Variants in APBA1 observed in about 807,000 individuals in gnomAD.
APBA1 encodes amyloid-beta A4 precursor protein-binding family A member 1.
Under a neutral mutation model 86.6 loss-of-function variants are expected in APBA1, and 55 were observed. The ratio of observed to expected loss-of-function variants is 0.64; its 90% CI spans 0.51 to 0.80. The LOEUF (loss-of-function observed/expected upper bound fraction) is 0.80, where lower values mean the gene tolerates loss of function less well. APBA1 is among the 30% of genes least tolerant of loss of function. The probability of loss-of-function intolerance (pLI) is 0.00; values close to 1 mark genes in which losing one functional copy is unlikely to be tolerated. For synonymous variants in APBA1, 511 were observed against 493.9 expected, an observed-to-expected ratio of 1.03 and a Z score of -0.46; for missense variants, 1,090 against 1,183.0, an observed-to-expected ratio of 0.92 and a Z score of 1.15.
At chr9:69,496,109 A>G (rs1278801317) in intron 2 of APBA1, among the ~76,000 whole-genome samples, 1 of 152,092 alleles carries the variant, frequency 6.6e-6, no homozygotes, top group Non-Finnish European at 1.5e-5. Context: ...CAAGACAAAC[A>G]TGGCAGAACT....
At chr9:69,600,825 TAAATAAATAAAATAAAATAAA>T (rs944410638) in intron 1 of APBA1, among the ~76,000 whole-genome samples, 7 of 147,882 alleles carry the variant, frequency 4.7e-5, no homozygotes, top group Middle Eastern at 3.2e-3. Context: ...AATAAATAAA[TAAATAAATAAAATAAAATAAA>T]AAATAAATAA....
At chr9:69,503,888 G>C (rs1835915085) in intron 2 of APBA1, among the ~76,000 whole-genome samples, 1 of 152,046 alleles carries the variant, frequency 6.6e-6, no homozygotes, top group Admixed American at 6.5e-5. Flanking sequence ...TCCCAGGTTG[G>C]GTCCCCCGTT....
intron 1 of APBA1, among the ~76,000 whole-genome samples, chr9:69,631,015 C>G (rs1187103231): frequency 6.6e-6 from 1 of 152,160 alleles, no homozygotes; most frequent in Non-Finnish European, 1.5e-5. Flanking sequence ...GTCTTCTCAC[C>G]TGTAAAATAG....
chr9:69,602,201 G>A (rs150337686), intron 1 of APBA1, among the ~76,000 whole-genome samples: 247 of 152,210 alleles, frequency 1.6e-3, no homozygotes, highest in Non-Finnish European at 2.9e-3. Context: ...ATAATTCAGT[G>A]GTTTTTAGTA....
chr9:69,434,158 A>T (rs1344934587), intron 11 of APBA1, among the ~76,000 whole-genome samples: 6 of 152,190 alleles, frequency 3.9e-5, no homozygotes, highest in Non-Finnish European at 7.3e-5. Context: ...TGCACTGTAC[A>T]GCCCCAGGCT....
chr9:69,642,647 T>A (rs773810704), intron 1 of APBA1, among the ~76,000 whole-genome samples: 5 of 151,792 alleles, frequency 3.3e-5, no homozygotes, highest in Admixed American at 1.3e-4. Flanking sequence ...GAGAGAGAGA[T>A]AGAGAGAGAT....
At chr9:69,571,007 G>C (rs1342967636) in intron 1 of APBA1, among the ~76,000 whole-genome samples, 2 of 152,144 alleles carry the variant, frequency 1.3e-5, no homozygotes, top group Non-Finnish European at 2.9e-5. Flanking sequence ...CCCACTCTCA[G>C]ATAGGCGTGG....
chr9:69,540,965 A>G (rs1367693132), intron 1 of APBA1, among the ~76,000 whole-genome samples: 4 of 152,218 alleles, frequency 2.6e-5, no homozygotes, highest in Non-Finnish European at 5.9e-5. Flanking sequence ...TTCTGTGACT[A>G]GCTTATTTCA....
chr9:69,668,487 T>C (rs1283521609), intron 1 of APBA1, among the ~76,000 whole-genome samples: 1 of 151,986 alleles, frequency 6.6e-6, no homozygotes, highest in East Asian at 1.9e-4. Context: ...GACAATAGAG[T>C]CTATCTGGTC....
intron 2 of APBA1, among the ~76,000 whole-genome samples, chr9:69,486,932 G>T (rs1250165770): frequency 6.6e-6 from 1 of 151,476 alleles, no homozygotes; most frequent in Non-Finnish European, 1.5e-5. Flanking sequence ...CCTAATACTG[G>T]CATTCAGAAC....
intron 2 of APBA1, among the ~76,000 whole-genome samples, chr9:69,497,628 G>C (rs1276656431): frequency 6.6e-6 from 1 of 152,112 alleles, no homozygotes; most frequent in African/African-American, 2.4e-5. Context: ...GTCCCTTGGG[G>C]ATAAAGTTAA....
chr9:69,549,680 A>G (rs1836754841), intron 1 of APBA1, among the ~76,000 whole-genome samples: 1 of 152,220 alleles, frequency 6.6e-6, no homozygotes, highest in Non-Finnish European at 1.5e-5. Flanking sequence ...ATTCATATCA[A>G]TTCAATCAAT....
At chr9:69,469,744 T>A (rs1463187324) in intron 4 of APBA1, among the ~76,000 whole-genome samples, 1 of 152,238 alleles carries the variant, frequency 6.6e-6, no homozygotes, top group Non-Finnish European at 1.5e-5. Flanking sequence ...TGAATCCACA[T>A]TACACTTTAT....
At chr9:69,605,551 G>A (rs138383448) in intron 1 of APBA1, among the ~76,000 whole-genome samples, 3 of 152,194 alleles carry the variant, frequency 2.0e-5, no homozygotes, top group South Asian at 2.1e-4. Flanking sequence ...CAAACTCTAC[G>A]TGCAGCTTTT....
At chr9:69,655,588 CAAAT>C (rs1000728248) in intron 1 of APBA1, among the ~76,000 whole-genome samples, 31 of 152,072 alleles carry the variant, frequency 2.0e-4, no homozygotes, top group African/African-American at 6.7e-4. Context: ...ATAGAAGACA[CAAAT>C]GAATGAAAAG....
Position 69,658,304 on chromosome 9 carries a change from C to CTCTTTCTTTCTT in APBA1, c.-70+13837_-70+13848dup, listed in dbSNP as rs202185776. ...TCTTTCTCTCTCTCTTTCTCTCTCTCTCTTTCTTTCTTTCTTTCTTTCTTT... is the reference window on the plus strand; with the variant it reads ...TCTTTCTCTCTCTCTTTCTCTCTCTCTCTTTCTTTCTTTCTTTCTTTCTTTCTTTCTTTCTTT... On this transcript the variant is annotated intron_variant, in intron 1 of 12. Coordinates refer to ENST00000265381, the MANE Select transcript of APBA1 (RefSeq NM_001163.4). Among the ~76,000 whole-genome samples the CTCTTTCTTTCTT allele has an allele frequency of 1.5e-3, 117 of 80,018 alleles. 2 individuals are homozygous for CTCTTTCTTTCTT. The Middle Eastern group carries it at 0.016, about 11-fold the overall frequency. 52.5% of individuals were successfully genotyped at this position (80,018 alleles called of 152,430 possible).
chr9:69,475,735 T>C (rs1835434680), intron 3 of APBA1, among the ~76,000 whole-genome samples: 1 of 152,252 alleles, frequency 6.6e-6, no homozygotes, highest in Non-Finnish European at 1.5e-5. Context: ...TCAAGTGCTG[T>C]TCAACAGAAT....
At chr9:69,455,199 C>T (rs1234366322) in intron 8 of APBA1, among the ~76,000 whole-genome samples, 1 of 152,178 alleles carries the variant, frequency 6.6e-6, no homozygotes, top group Non-Finnish European at 1.5e-5. Flanking sequence ...ACGCCATCTT[C>T]TCTTCCCAGA....
At chr9:69,546,684 C>T (rs1836703565) in intron 1 of APBA1, among the ~76,000 whole-genome samples, 1 of 152,174 alleles carries the variant, frequency 6.6e-6, no homozygotes, top group Non-Finnish European at 1.5e-5. Context: ...AAAGAAAAAA[C>T]ATCATAAACT....
Sources: allele counts gnomAD v4.1 joint callset (sites outside exome capture counted in the v4.1 genomes callset), GRCh38; gene constraint gnomAD v4.1.1; transcripts MANE v1.5; gene names NCBI Gene and HGNC (gene_info 2026-07-23, HGNC 2026-07-21).